Variants in ARHGAP24 observed in about 807,000 individuals in gnomAD.
ARHGAP24 encodes rho GTPase-activating protein 24.
A neutral mutation model predicts 76.4 loss-of-function variants in ARHGAP24; 50 were observed. The observed-to-expected ratio is 0.65, with a 90% CI of 0.52 to 0.83. The LOEUF (loss-of-function observed/expected upper bound fraction) is 0.83. Ranked by LOEUF, ARHGAP24 falls within the 40% of genes least tolerant of loss-of-function variation. The pLI, the probability that ARHGAP24 is intolerant of heterozygous loss-of-function variation, is 0.00. For missense variants in ARHGAP24, 930 were observed against 914.2 expected, an observed-to-expected ratio of 1.02 and a Z score of -0.22; for synonymous variants, 345 against 323.3, an observed-to-expected ratio of 1.07 and a Z score of -0.72.
Position 85,995,343 on chromosome 4 carries a change from C to T in ARHGAP24, c.1689C>T (p.Ser563=), listed in dbSNP as rs532910962. The T allele has an allele frequency of 1.2e-6, 2 of 1,614,038 alleles. No individual in the cohort carries two copies. The highest frequency in any genetic ancestry group is 2.7e-5 in the African/African-American group (2 of 74,986). ...GGTCCACTTCCTCCTGTGAAATCTC[C>T]CTCCCTGAGAACTCCAACTCCTGTC... The part of the protein sequence containing the change: ...ATWSTSSCEI[S]LPENSNSCRS... The change falls in exon 9 of 10, where the codon TCC becomes TCT. Residue 563 remains serine (S), a synonymous_variant. Coordinates refer to ENST00000395184, the MANE Select transcript of ARHGAP24 (RefSeq NM_001025616.3).
chr4:85,701,242 G>A (rs1033973882), intron 2 of ARHGAP24, among the ~76,000 whole-genome samples: 7 of 151,968 alleles, frequency 4.6e-5, no homozygotes, highest in African/African-American at 1.2e-4. Context: ...TCACATTATC[G>A]ATTTATTATA....
At chr4:85,898,578 G>A (rs973855964) in intron 3 of ARHGAP24, among the ~76,000 whole-genome samples, 1 of 152,172 alleles carries the variant, frequency 6.6e-6, no homozygotes, top group Non-Finnish European at 1.5e-5. Context: ...CAGGCTGTGA[G>A]CATGAGTTAA....
At chr4:85,762,590 C>T (rs1726773254) in intron 3 of ARHGAP24, among the ~76,000 whole-genome samples, 1 of 152,126 alleles carries the variant, frequency 6.6e-6, no homozygotes, top group Admixed American at 6.6e-5. Flanking sequence ...AGAAAGATAG[C>T]TCTATCTTGA....
At chr4:85,750,306 G>C (rs146596192) in intron 3 of ARHGAP24, among the ~76,000 whole-genome samples, 88 of 152,074 alleles carry the variant, frequency 5.8e-4, no homozygotes, top group Middle Eastern at 6.8e-3. Context: ...TATCTATTCA[G>C]CAGCTATGGT....
chr4:85,488,072 A>T (rs951188100), intron 1 of ARHGAP24, among the ~76,000 whole-genome samples: 1 of 150,192 alleles, frequency 6.7e-6, no homozygotes, highest in Non-Finnish European at 1.5e-5. Flanking sequence ...ACGCCCGGCT[A>T]ATTTTTTGTT....
chr4:85,859,927 C>T (rs1731793734), intron 3 of ARHGAP24, among the ~76,000 whole-genome samples: 1 of 151,406 alleles, frequency 6.6e-6, no homozygotes, highest in African/African-American at 2.4e-5. Flanking sequence ...TTAGAGCTTA[C>T]AATTAAAAAA....
intron 1 of ARHGAP24, among the ~76,000 whole-genome samples, chr4:85,490,854 T>C (rs1209570369): frequency 2.6e-5 from 4 of 152,204 alleles, no homozygotes; most frequent in African/African-American, 9.6e-5. Flanking sequence ...TTGATAATTG[T>C]AGAATTTATT....
intron 3 of ARHGAP24, among the ~76,000 whole-genome samples, chr4:85,753,054 GT>G (rs1207662967): frequency 5.3e-5 from 8 of 152,096 alleles, no homozygotes; most frequent in Non-Finnish European, 1.0e-4. Context: ...TTGGGAAAAG[GT>G]TTTCGATGGA....
At chr4:85,772,840 T>C (rs1727179967) in intron 3 of ARHGAP24, among the ~76,000 whole-genome samples, 1 of 152,204 alleles carries the variant, frequency 6.6e-6, no homozygotes, top group South Asian at 2.1e-4. Context: ...TTCTAAACAA[T>C]GTCTTTGAGT....
chr4:85,875,582 A>T lies in ARHGAP24; in HGVS notation c.269-48066A>T, dbSNP rs1272169731. The stretch of plus-strand genomic sequence containing the variant: ...ATTTTTATATTATATAATATATAAT[A>T]TATATTTTATATTATATTTTTATAT... On this transcript the variant is annotated intron_variant, in intron 3 of 9. Coordinates refer to ENST00000395184, the MANE Select transcript of ARHGAP24 (RefSeq NM_001025616.3). 1.9e-5 allele frequency among the ~76,000 whole-genome samples: 2 copies of T among 106,556 alleles called. 1 individual carries two copies. Among genetic ancestry groups the T allele is most frequent in the East Asian group, 5.0e-4 (2 of 4,034 alleles). 69.9% of individuals were successfully genotyped at this position (106,556 alleles called of 152,430 possible). A position where few individuals can be genotyped will look rare whatever the true frequency, so the allele number is the denominator to read the frequency against.
intron 2 of ARHGAP24, among the ~76,000 whole-genome samples, chr4:85,587,836 C>T (rs1727923139): frequency 2.0e-5 from 3 of 152,160 alleles, no homozygotes; most frequent in Admixed American, 2.0e-4. Context: ...AAACAAGTCA[C>T]TGCTCTTGTG....
chr4:85,922,348 G>A (rs780519882), intron 3 of ARHGAP24, among the ~76,000 whole-genome samples: 12 of 152,276 alleles, frequency 7.9e-5, no homozygotes, highest in Non-Finnish European at 1.5e-4. Flanking sequence ...AGAACTATGT[G>A]TGGACCAGAT....
At chr4:85,846,271 G>A (rs1578290917) in intron 3 of ARHGAP24, among the ~76,000 whole-genome samples, 1 of 152,114 alleles carries the variant, frequency 6.6e-6, no homozygotes, top group Non-Finnish European at 1.5e-5. Context: ...TTACTTACAT[G>A]TCTAAAAGCC....
intron 3 of ARHGAP24, among the ~76,000 whole-genome samples, chr4:85,858,120 C>A (rs367983675): frequency 4.6e-5 from 7 of 152,222 alleles, no homozygotes; most frequent in African/African-American, 1.7e-4. Context: ...GGACATAGGC[C>A]TTCTTTCAAT....
intron 1 of ARHGAP24, among the ~76,000 whole-genome samples, chr4:85,518,081 C>T (rs1028661445): frequency 2.6e-5 from 4 of 152,024 alleles, no homozygotes; most frequent in African/African-American, 4.8e-5. Flanking sequence ...ACAAACAAAC[C>T]TCAAAGTGCC....
intron 3 of ARHGAP24, among the ~76,000 whole-genome samples, chr4:85,836,865 A>G (rs894642853): frequency 6.6e-6 from 1 of 152,230 alleles, no homozygotes; most frequent in African/African-American, 2.4e-5. Context: ...GACCTCCTGC[A>G]TCAGAATCTG....
At chr4:85,819,570 C>T (rs1476115217) in intron 3 of ARHGAP24, among the ~76,000 whole-genome samples, 1 of 152,068 alleles carries the variant, frequency 6.6e-6, no homozygotes, top group Non-Finnish European at 1.5e-5. Context: ...GTATTTAGTA[C>T]AAATTTATTA....
chr4:85,955,275 G>T (rs1737846288), intron 5 of ARHGAP24, among the ~76,000 whole-genome samples: 1 of 150,724 alleles, frequency 6.6e-6, no homozygotes, highest in African/African-American at 2.4e-5. Context: ...AGTTGGAAGA[G>T]CCTAACAAAT....
chr4:85,810,200 C>A (rs766194553), intron 3 of ARHGAP24, among the ~76,000 whole-genome samples: 2 of 152,138 alleles, frequency 1.3e-5, no homozygotes, highest in Non-Finnish European at 2.9e-5. Flanking sequence ...TAGACAATAT[C>A]TTCTTCATCT....
Sources: gnomAD v4.1 joint callset for allele counts (sites outside exome capture counted in the v4.1 genomes callset) on GRCh38, gnomAD v4.1.1 for gene constraint, MANE v1.5 for transcripts, NCBI Gene and HGNC (gene_info 2026-07-23, HGNC 2026-07-21) for gene names.